Variants in MDN1 observed in about 807,000 individuals in gnomAD.
The protein encoded by MDN1 is midasin AAA ATPase 1.
MDN1 carries 266 observed loss-of-function variants against 669.2 expected under a neutral mutation model. That is an observed-to-expected ratio of 0.40 (90% CI 0.36 to 0.44). The LOEUF is 0.44. Ranked by LOEUF, MDN1 falls within the 20% of genes least tolerant of loss-of-function variation. The pLI, the probability that MDN1 is intolerant of heterozygous loss-of-function variation, is 1.00. For synonymous variants in MDN1, 2,385 were observed against 2,457.1 expected (o/e 0.97, Z 0.87); for missense variants, 5,940 against 6,754.0 (o/e 0.88, Z 4.22).
At chr6:89,727,168 CA>C (rs1317130957) in intron 37 of MDN1, among the ~76,000 whole-genome samples, 2 of 152,282 alleles carry the variant, frequency 1.3e-5, no homozygotes, top group East Asian at 3.9e-4. Flanking sequence ...ACAGGAGTCC[CA>C]CAGCACCCTC....
intron 51 of MDN1, 145 bp from the exon 52 acceptor site, chr6:89,707,621 G>C (rs1028741425): frequency 1.6e-5 from 10 of 640,014 alleles, no homozygotes; most frequent in Non-Finnish European, 2.5e-5. Flanking sequence ...GGACTAAAGA[G>C]ATGGAGATGA....
intron 1 of MDN1, among the ~76,000 whole-genome samples, chr6:89,814,498 A>C (rs1252159266): frequency 6.6e-6 from 1 of 151,542 alleles, no homozygotes; most frequent in East Asian, 1.9e-4. Flanking sequence ...TGCTGTGATG[A>C]CAGGCATGAA....
At chr6:89,770,127 C>T (rs895399492) in intron 15 of MDN1, among the ~76,000 whole-genome samples, 3 of 151,680 alleles carry the variant, frequency 2.0e-5, no homozygotes, top group South Asian at 2.1e-4. Flanking sequence ...ATTAAGAGGC[C>T]GGGTGCAGTG....
In MDN1 at chr6:89,654,975, T is replaced by G. The variant is rs142833347; in HGVS notation, c.15491-641A>C. Among the ~76,000 whole-genome samples, 626 of 152,286 alleles carry G rather than the reference T, an allele frequency of 4.1e-3. 1 individual carries two copies. Among genetic ancestry groups the G allele is most frequent in the Non-Finnish European group, 6.7e-3 (457 of 68,014 alleles). On this transcript the variant is annotated intron_variant, in intron 92 of 101. Coordinates refer to ENST00000369393, the MANE Select transcript of MDN1 (RefSeq NM_014611.3). ...GAGTTCTTAAACCACCTGGCCTCAGTGTACTTAACTATACAACAGAGAGAC... is the reference window on the plus strand; with the variant it reads ...GAGTTCTTAAACCACCTGGCCTCAGGGTACTTAACTATACAACAGAGAGAC...
At position 89,673,332 on chromosome 6, in the gene MDN1, C is replaced by T; in HGVS notation, c.13378G>A (p.Val4460Ile). ...CCTCTTACATATTCCAGACTTTCAACTAGTGCCATTTGTGAGTCTCTTTGC... is the reference window on the plus strand; with the variant it reads ...CCTCTTACATATTCCAGACTTTCAATTAGTGCCATTTGTGAGTCTCTTTGC... ...VEQRDSQMAL[V>I]ESLEYVRGEI... Residue 4460 changes from valine (V) to isoleucine (I), a missense_variant, in exon 80 of 102, where the codon GTT becomes ATT. Val to Ile is a conservative substitution (Grantham distance 29, BLOSUM62 3). Coordinates refer to ENST00000369393, the MANE Select transcript of MDN1 (RefSeq NM_014611.3). 6.2e-7 allele frequency: 1 copy of T among 1,614,190 alleles called. No homozygotes were observed. The highest frequency in any genetic ancestry group is 1.6e-4 in the Middle Eastern group (1 of 6,062).
At chr6:89,752,147 C>A (rs1198191204) in intron 22 of MDN1, among the ~76,000 whole-genome samples, 3 of 152,128 alleles carry the variant, frequency 2.0e-5, no homozygotes, top group African/African-American at 7.2e-5. Flanking sequence ...GTGGTCAAAT[C>A]TATAACTATG....
chr6:89,740,300 C>T lies in MDN1; in HGVS notation c.4527G>A (p.Leu1509=). ...GAATACGAAATTTTTTCCCAGCAGT[C>T]AACAGCTCTATTTCACTATCCTTGT... ...PEDKDSEIEL[L]TAGKKFRILA... The change falls in exon 32 of 102, where the codon TTG becomes TTA. Residue 1509 remains leucine, a synonymous_variant. Coordinates refer to ENST00000369393, the MANE Select transcript of MDN1 (RefSeq NM_014611.3). 1 of 1,611,748 alleles carries T rather than the reference C, an allele frequency of 6.2e-7. No individual in the cohort carries two copies. Among genetic ancestry groups the T allele is most frequent in the African/African-American group, 1.3e-5 (1 of 74,896 alleles).
At chr6:89,794,048 A>AC (rs1819433748) in intron 4 of MDN1, 52 bp downstream of exon 4, 1 of 578,968 alleles carries the variant, frequency 1.7e-6, no homozygotes, top group Non-Finnish European at 2.5e-6. Context: ...CCCAGAAAAG[A>AC]AAAAAAAAAA....
intron 32 of MDN1, 105 bp from the exon 33 acceptor site, chr6:89,738,560 C>T (rs1373267685): frequency 6.6e-6 from 8 of 1,208,768 alleles, no homozygotes; most frequent in Non-Finnish European, 8.1e-6. Flanking sequence ...GCAAATACTA[C>T]ACACTTTTAA....
rs762365245 is a variant in MDN1, at chr6:89,819,659, A to G, written c.-52T>C. The G allele has an allele frequency of 6.0e-6, 9 of 1,492,902 alleles. 1 individual carries two copies. Among genetic ancestry groups the G allele is most frequent in the East Asian group, 2.3e-5 (1 of 44,288 alleles). 92.5% of individuals were successfully genotyped at this position (1,492,902 alleles called of 1,614,324 possible). ...CACCTGCGCTCCCTACTTCGCGGCC[A>G]GCGTCCCCAAGCCGCCGAGGTCCCA... is the stretch of plus-strand genomic sequence containing the variant. On this transcript the variant is annotated 5_prime_UTR_variant, in exon 1 of 102. Transcript: ENST00000369393.
chr6:89,805,164 T>G (rs764831014), intron 1 of MDN1, among the ~76,000 whole-genome samples: 2 of 152,162 alleles, frequency 1.3e-5, no homozygotes, highest in Non-Finnish European at 2.9e-5. Context: ...CACAACCGTT[T>G]CTGCCCAGCA....
chr6:89,670,909 C>T lies in MDN1; in HGVS notation c.13956+10G>A. 1.9e-6 allele frequency: 3 copies of T among 1,612,776 alleles called. No individual in the cohort carries two copies. The highest frequency in any genetic ancestry group is 2.5e-6 in the Non-Finnish European group (3 of 1,179,126). On this transcript the variant is annotated intron_variant, in intron 83 of 101. Coordinates refer to ENST00000369393, the MANE Select transcript of MDN1 (RefSeq NM_014611.3). ...TGCTGCTCACAGTGCACCATGTGAA[C>T]AGTCCTTACCTTCTGGGCAAGCTCT...
chr6:89,703,809 C>T (rs1377403207), intron 53 of MDN1, among the ~76,000 whole-genome samples: 1 of 151,860 alleles, frequency 6.6e-6, no homozygotes, highest in Non-Finnish European at 1.5e-5. Flanking sequence ...GTAAGGAGTT[C>T]CAGAACAGCC....
At position 89,693,109 on chromosome 6, in the gene MDN1, G is replaced by T. The variant is rs1458184960; in HGVS notation, c.9921C>A (p.Thr3307=). 1.9e-6 allele frequency: 3 copies of T among 1,610,054 alleles called. No homozygotes were observed. Among genetic ancestry groups the T allele is most frequent in the Admixed American group, 1.7e-5 (1 of 58,964 alleles). The change falls in exon 63 of 102, where the codon ACC becomes ACA. Residue 3307 remains threonine (T), a synonymous_variant. Transcript: ENST00000369393. ...AGGCCTGTTTCTTCAACAGGTGACAGGTTAAATTATCCAGCCGATCCATCC... is the reference window on the plus strand; with the variant it reads ...AGGCCTGTTTCTTCAACAGGTGACATGTTAAATTATCCAGCCGATCCATCC... ...RQRMDRLDNL[T]CHLLKKQAFR...
intron 78 of MDN1, 35 bp downstream of exon 78, chr6:89,675,429 A>C (rs1487714470): frequency 1.9e-6 from 3 of 1,571,240 alleles, no homozygotes; most frequent in Non-Finnish European, 2.6e-6. Flanking sequence ...AATTCTTCCC[A>C]ATTCATGCCA....
chr6:89,664,448 C>G (rs1810037271), intron 85 of MDN1, 39 bp downstream of exon 85: 1 of 1,605,574 alleles, frequency 6.2e-7, no homozygotes. Context: ...AATATTTATG[C>G]TTTCAAAAAC....
At position 89,803,470 on chromosome 6, in the gene MDN1, G is replaced by A. The variant is rs143308656; in HGVS notation, c.187C>T (p.Arg63Cys). The part of the protein sequence containing the change: ...LDKDCTVLVG[R>C]QLRPLLLDLL... ...TCCAAAAGGAGAGGGCGAAGCTGGC[G>A]ACCAACCAGCACAGTACAGTCCTTA... The change falls in exon 2 of 102, where the codon CGC (arginine) becomes TGC (cysteine). Residue 63 changes from arginine to cysteine, a missense_variant. Around this residue, in one of 5 missense-constraint regions of MDN1, gnomAD observed 1,203 missense variants for 1,268.9 expected, o/e 0.95. Coordinates refer to ENST00000369393, the MANE Select transcript of MDN1 (RefSeq NM_014611.3). The A allele has an allele frequency of 5.0e-4, 801 of 1,613,982 alleles. No homozygotes were observed. Among genetic ancestry groups the A allele is most frequent in the Non-Finnish European group, 6.2e-4 (732 of 1,179,996 alleles).
chr6:89,731,360 C>T (rs891654811), intron 34 of MDN1, among the ~76,000 whole-genome samples: 1 of 152,110 alleles, frequency 6.6e-6, no homozygotes, highest in African/African-American at 2.4e-5. Context: ...TTGGAACCAA[C>T]CCGAATGTCC....
At chr6:89,775,491 C>T (rs1052491115) in intron 12 of MDN1, among the ~76,000 whole-genome samples, 1 of 152,142 alleles carries the variant, frequency 6.6e-6, no homozygotes, top group Non-Finnish European at 1.5e-5. Flanking sequence ...ATGAGAATGT[C>T]AGATATCTGC....
Sources: allele counts gnomAD v4.1 joint callset (sites outside exome capture counted in the v4.1 genomes callset), GRCh38; gene constraint gnomAD v4.1.1; regional missense constraint gnomAD v4.1.1; transcripts MANE v1.5; gene names NCBI Gene and HGNC (gene_info 2026-07-23, HGNC 2026-07-21).